The following AHCTF1 variants were observed in gnomAD, a reference collection of about 807,000 sequenced individuals.
The protein encoded by AHCTF1 is AT-hook containing transcription factor 1.
In AHCTF1, 24 loss-of-function variants were observed where a neutral mutation model predicts 248.4. That is an observed-to-expected ratio of 0.10 (90% CI 0.07 to 0.14). The LOEUF (loss-of-function observed/expected upper bound fraction) is 0.14, where lower values mean the gene tolerates loss of function less well. Ranked by LOEUF, AHCTF1 falls within the 10% of genes least tolerant of loss-of-function variation. The pLI is 1.00. For synonymous variants in AHCTF1, 786 were observed against 929.8 expected (o/e 0.85, Z 2.81); for missense variants, 2,206 against 2,636.2 (o/e 0.84, Z 3.57).
At chr1:246,862,824 A>G (rs1314336017) in intron 27 of AHCTF1, among the ~76,000 whole-genome samples, 1 of 152,242 alleles carries the variant, frequency 6.6e-6, no homozygotes, top group Non-Finnish European at 1.5e-5. Context: ...ACACGAATCC[A>G]ATAATAACCA....
chr1:246,899,066 GCAA>G (rs1274896868), intron 11 of AHCTF1, among the ~76,000 whole-genome samples: 1 of 152,116 alleles, frequency 6.6e-6, no homozygotes, highest in Non-Finnish European at 1.5e-5. Context: ...CCCAGCCTGC[GCAA>G]CAAGAGCGAA....
rs762515808 is a variant in AHCTF1 at position 246,888,380 on chromosome 1, T to G, written c.2268+14A>C. The G allele has an allele frequency of 6.2e-7, 1 of 1,612,810 alleles. No individual in the cohort carries two copies. Among genetic ancestry groups the G allele is most frequent in the African/African-American group, 1.3e-5 (1 of 74,998 alleles). On this transcript the variant is annotated intron_variant, in intron 18 of 35. Coordinates refer to ENST00000648844, the MANE Select transcript of AHCTF1 (RefSeq NM_001323342.2). ...TTGTAGACTCTAAATGATAGCACAT[T>G]ACTGCAAACCTACATGCAGACTAGC...
chr1:246,916,486 T>G, intron 2 of AHCTF1, 91 bp from the exon 3 acceptor site: 1 of 1,164,258 alleles, frequency 8.6e-7, no homozygotes, highest in Non-Finnish European at 1.2e-6. Flanking sequence ...TATATGTTCA[T>G]TACATAAAAC....
At position 246,868,827 on chromosome 1, in the gene AHCTF1, C is replaced by A. The variant is rs148424307; in HGVS notation, c.3089-1016G>T. 6.2e-5 allele frequency among the ~76,000 whole-genome samples: 9 copies of A among 145,522 alleles called. No homozygotes were observed. The East Asian group carries it at 1.6e-3, about 26-fold the overall frequency. On this transcript the variant is annotated intron_variant, in intron 24 of 35. Transcript: ENST00000648844. ...TACCTCATTTTATTGTGCTTTGCTT[C>A]ATTGTGTGTGTGTTTTTTGTTTTTT...
intron 26 of AHCTF1, among the ~76,000 whole-genome samples, chr1:246,865,921 A>AT (rs933847517): frequency 1.3e-5 from 2 of 152,180 alleles, no homozygotes; most frequent in African/African-American, 2.4e-5. Flanking sequence ...TATTTAAAAA[A>AT]TTGATTTATG....
At chr1:246,930,586 T>TA (rs781552719) in intron 1 of AHCTF1, among the ~76,000 whole-genome samples, 98 of 133,692 alleles carry the variant, frequency 7.3e-4, no homozygotes, top group Admixed American at 1.4e-3. Flanking sequence ...AAAAACAGTT[T>TA]AAAAAAAAAA....
chr1:246,920,203 CA>C (rs1189623988), intron 1 of AHCTF1, among the ~76,000 whole-genome samples: 1 of 134,436 alleles, frequency 7.4e-6, no homozygotes, highest in Non-Finnish European at 1.6e-5. Context: ...ACAAAACACA[CA>C]AGGATATCCA....
intron 1 of AHCTF1, among the ~76,000 whole-genome samples, chr1:246,924,012 A>G (rs1468235841): frequency 7.5e-6 from 1 of 133,366 alleles, no homozygotes; most frequent in Non-Finnish European, 1.7e-5. Context: ...AATCTGGCAA[A>G]AGAGAGATCC....
intron 1 of AHCTF1, among the ~76,000 whole-genome samples, chr1:246,923,210 T>C (rs1391639660): frequency 1.3e-5 from 2 of 149,538 alleles, no homozygotes; most frequent in African/African-American, 2.5e-5. Context: ...AGGTCAGGAG[T>C]TTGAGACCAG....
chr1:246,868,829 T>TTG (rs1363496827), intron 24 of AHCTF1, among the ~76,000 whole-genome samples: 2 of 143,556 alleles, frequency 1.4e-5, no homozygotes, highest in African/African-American at 2.7e-5. Context: ...CTTTGCTTCA[T>TTG]TGTGTGTGTG....
At chr1:246,875,244 TG>T (rs1327869522) in intron 24 of AHCTF1, among the ~76,000 whole-genome samples, 1 of 151,654 alleles carries the variant, frequency 6.6e-6, no homozygotes, top group African/African-American at 2.4e-5. Context: ...TTCCCTCAGC[TG>T]GACACTCCCT....
Position 246,857,810 on chromosome 1 carries a change from A to T in AHCTF1, c.4137T>A (p.Asn1379Lys). 1 of 1,609,440 alleles carries T rather than the reference A, an allele frequency of 6.2e-7. No individual in the cohort carries two copies. Among genetic ancestry groups the T allele is most frequent in the Non-Finnish European group, 8.5e-7 (1 of 1,176,456 alleles). ...TPSDLQKQMG[N>K]LEDAETKDLL... Reference sequence around the variant, plus strand: ...GATCCTTTGTTTCTGCATCTTCTAAATTGCCTATAAGTCATACAAATAAGA... The same window carrying T: ...GATCCTTTGTTTCTGCATCTTCTAATTTGCCTATAAGTCATACAAATAAGA... The change falls in exon 30 of 36, where the codon AAT becomes AAA. Residue 1379 changes from asparagine (N) to lysine (K), a missense_variant. Coordinates refer to ENST00000648844, the MANE Select transcript of AHCTF1 (RefSeq NM_001323342.2).
intron 33 of AHCTF1, among the ~76,000 whole-genome samples, chr1:246,846,518 T>G (rs960172611): frequency 2.6e-5 from 4 of 152,040 alleles, no homozygotes; most frequent in African/African-American, 9.7e-5. Flanking sequence ...AGCTAGTAAG[T>G]GGCAGAAATG....
intron 17 of AHCTF1, among the ~76,000 whole-genome samples, 193 bp downstream of exon 17, chr1:246,889,773 C>T (rs1407880075): frequency 6.6e-6 from 1 of 152,148 alleles, no homozygotes; most frequent in African/African-American, 2.4e-5. Flanking sequence ...ATTACCTTTA[C>T]TTCATTTCAA....
In AHCTF1 at chr1:246,867,806, T is replaced by C. The variant is rs1417510869; in HGVS notation, c.3094A>G (p.Arg1032Gly). The change falls in exon 25 of 36, where the codon AGA becomes GGA. Residue 1032 changes from arginine (R) to glycine (G), a missense_variant. Coordinates refer to ENST00000648844, the MANE Select transcript of AHCTF1 (RefSeq NM_001323342.2). ...STSSVFRLVS[R>G]PKPLSAVPKQ... ...GGAACTGCTGATAATGGTTTGGGTC[T>C]AGAAACTGTAAAATGAAGAACGCTG... The C allele has an allele frequency of 1.2e-6, 2 of 1,605,272 alleles. No individual in the cohort carries two copies. Among genetic ancestry groups the C allele is most frequent in the South Asian group, 2.2e-5 (2 of 89,846 alleles).
At chr1:246,918,148 CT>C (rs1418967982) in intron 2 of AHCTF1, 101 bp downstream of exon 2, 11 of 1,093,324 alleles carry the variant, frequency 1.0e-5, no homozygotes, top group African/African-American at 1.6e-5. Flanking sequence ...CACTCAGGTT[CT>C]GCTTTTTCTT....
At position 246,842,294 on chromosome 1, in the gene AHCTF1, G is replaced by T. The variant is rs1452067453; in HGVS notation, c.6608+400C>A. The stretch of plus-strand genomic sequence containing the variant: ...GAGAAAAAAATGGATAAAAATTACA[G>T]AACAAGGCTGGGTGCAGTGGCTCAC... On this transcript the variant is annotated intron_variant, in intron 35 of 35. Transcript: ENST00000648844. 2.0e-5 allele frequency among the ~76,000 whole-genome samples: 3 copies of T among 151,928 alleles called. No individual in the cohort carries two copies. In the South Asian group the frequency reaches 6.2e-4, roughly 32 times the overall value.
At chr1:246,869,096 G>C (rs367924006) in intron 24 of AHCTF1, among the ~76,000 whole-genome samples, 1 of 151,002 alleles carries the variant, frequency 6.6e-6, no homozygotes, top group Non-Finnish European at 1.5e-5. Context: ...CGCCCGCCTT[G>C]GCCTCCCAAA....
chr1:246,842,594 TAAAAA>T, intron 35 of AHCTF1, 95 bp downstream of exon 35: 2 of 932,490 alleles, frequency 2.1e-6, no homozygotes, highest in African/African-American at 1.8e-5. Flanking sequence ...AAAAAATAAA[TAAAAA>T]TAAAATAAAA....
Sources: gnomAD v4.1 joint callset for allele counts (sites outside exome capture counted in the v4.1 genomes callset) on GRCh38, gnomAD v4.1.1 for gene constraint, MANE v1.5 for transcripts, NCBI Gene and HGNC (gene_info 2026-07-23, HGNC 2026-07-21) for gene names.